The following N4BP2 variants were observed in gnomAD, a reference collection of about 807,000 sequenced individuals.
The protein encoded by N4BP2 is NEDD4 binding protein 2.
N4BP2 carries 91 observed loss-of-function variants against 152.8 expected under a neutral mutation model. That is an observed-to-expected ratio of 0.60 (90% CI 0.50 to 0.71). The LOEUF is 0.71. Ranked by LOEUF, N4BP2 falls within the 30% of genes least tolerant of loss-of-function variation. The pLI is 0.00. For missense variants in N4BP2, 1,923 were observed against 2,059.1 expected, an observed-to-expected ratio of 0.93 and a Z score of 1.28; for synonymous variants, 646 against 705.3, an observed-to-expected ratio of 0.92 and a Z score of 1.33.
intron 14 of N4BP2, among the ~76,000 whole-genome samples, chr4:40,141,383 C>T (rs983592290): frequency 2.0e-5 from 3 of 151,080 alleles, no homozygotes; most frequent in Non-Finnish European, 4.4e-5. Context: ...GGCAGCCGGG[C>T]AGAGACGCTC....
At chr4:40,186,314 G>A in the N4BP2 span, among the ~76,000 whole-genome samples, 1 of 152,066 alleles carries the variant, frequency 6.6e-6, no homozygotes, top group South Asian at 2.1e-4. Context: ...AAAACATTGT[G>A]ACCGAAGCAG....
chr4:40,071,910 A>T (rs1712228762), intron 1 of N4BP2, among the ~76,000 whole-genome samples: 1 of 151,244 alleles, frequency 6.6e-6, no homozygotes, highest in African/African-American at 2.4e-5. Context: ...ATTTTATTTT[A>T]TTTTTTGACT....
chr4:40,148,502 G>A (rs1016276325), intron 16 of N4BP2, among the ~76,000 whole-genome samples: 1 of 151,772 alleles, frequency 6.6e-6, no homozygotes, highest in Admixed American at 6.6e-5. Context: ...GGGAGAGGGA[G>A]TTCGGCTTTT....
At chr4:40,133,943 C>T (rs1462272661) in intron 13 of N4BP2, among the ~76,000 whole-genome samples, 1 of 151,900 alleles carries the variant, frequency 6.6e-6, no homozygotes, top group Non-Finnish European at 1.5e-5. Context: ...GTAGCTGGGA[C>T]TATAGACACG....
At chr4:40,074,662 T>A (rs1459235634) in intron 2 of N4BP2, among the ~76,000 whole-genome samples, 2 of 152,140 alleles carry the variant, frequency 1.3e-5, no homozygotes, top group Admixed American at 6.6e-5. Flanking sequence ...AGAACTGAAT[T>A]GTGGTGTTAG....
intron 2 of N4BP2, among the ~76,000 whole-genome samples, chr4:40,077,575 A>G (rs1400012124): frequency 6.6e-6 from 1 of 151,370 alleles, no homozygotes; most frequent in Non-Finnish European, 1.5e-5. Flanking sequence ...TGCCTCAGCC[A>G]TCTGAGTAGC....
chr4:40,169,931 T>C, the N4BP2 span, among the ~76,000 whole-genome samples: 1 of 137,770 alleles, frequency 7.3e-6, no homozygotes, highest in East Asian at 2.1e-4. Context: ...ACCATTGCAC[T>C]CCAGCCTGGG....
intron 1 of N4BP2, among the ~76,000 whole-genome samples, chr4:40,059,966 T>G (rs1733527164): frequency 1.3e-5 from 2 of 152,160 alleles, no homozygotes; most frequent in African/African-American, 4.8e-5. Context: ...TCAGTCAAAC[T>G]TAGATCTTTG....
At chr4:40,137,126 A>G (rs755221402) in intron 14 of N4BP2, 44 bp downstream of exon 14, 2 of 1,408,418 alleles carry the variant, frequency 1.4e-6, no homozygotes, top group African/African-American at 1.4e-5. Context: ...AGATAATTGC[A>G]TATAAAAATA....
At position 40,142,597 on chromosome 4, in the gene N4BP2, C is replaced by T. The variant is rs73144078; in HGVS notation, c.4786-76C>T. 1,012 of 964,538 alleles carry T rather than the reference C, an allele frequency of 1.0e-3. 10 individuals are homozygous for T. In the African/African-American group the frequency reaches 0.014, roughly 14 times the overall value. The allele number at this position is 964,538 out of a possible 1,614,324, so 59.7% of individuals were successfully genotyped here. A position where few individuals can be genotyped will look rare whatever the true frequency, so the allele number is the denominator to read the frequency against. On this transcript the variant is annotated intron_variant, in intron 14 of 17. Transcript: ENST00000261435. ...TATACGACAGCCCAGTTTTCATGTG[C>T]GTTTTGTGAAGGTGTAAGGCATGAG... is the stretch of plus-strand genomic sequence containing the variant.
chr4:40,090,516 C>T (rs1010711883), intron 2 of N4BP2, among the ~76,000 whole-genome samples: 5 of 152,120 alleles, frequency 3.3e-5, no homozygotes, highest in East Asian at 1.9e-4. Context: ...AATAGGTTCT[C>T]GGAAACTGTG....
In N4BP2 at chr4:40,121,503, A is replaced by G; in HGVS notation, c.3392A>G (p.Lys1131Arg). ...ATSLLLDSET[K>R]LCEDTEFENF... Reference sequence around the variant, plus strand: ...AGCCTTTTGTTGGATTCTGAAACTAAGTTATGTGAGGATACAGAGTTTGAG... The same window carrying G: ...AGCCTTTTGTTGGATTCTGAAACTAGGTTATGTGAGGATACAGAGTTTGAG... The change falls in exon 9 of 18, where the codon AAG becomes AGG. Residue 1131 changes from lysine to arginine, a missense_variant. Lys to Arg is a conservative substitution (Grantham distance 26, BLOSUM62 2). Transcript: ENST00000261435. 1 of 1,614,188 alleles carries G rather than the reference A, an allele frequency of 6.2e-7. No homozygotes were observed. The highest frequency in any genetic ancestry group is 8.5e-7 in the Non-Finnish European group (1 of 1,180,030).
In N4BP2 at chr4:40,092,243, T is replaced by A. The variant is rs116074479; in HGVS notation, c.-114-4984T>A. On this transcript the variant is annotated intron_variant, in intron 2 of 17. Coordinates refer to ENST00000261435, the MANE Select transcript of N4BP2 (RefSeq NM_018177.6). ...GATTAGTATTATTTTTTCCTAAAAATGTTTGTTAGAATTTTCCATTGAAGC... is the reference window on the plus strand; with the variant it reads ...GATTAGTATTATTTTTTCCTAAAAAAGTTTGTTAGAATTTTCCATTGAAGC... 3.0e-3 allele frequency among the ~76,000 whole-genome samples: 448 copies of A among 151,038 alleles called. 1 individual carries two copies. Among genetic ancestry groups the A allele is most frequent in the African/African-American group, 9.9e-3 (410 of 41,346 alleles).
intron 11 of N4BP2, among the ~76,000 whole-genome samples, chr4:40,125,886 CAA>C (rs34106957): frequency 0.23 from 24,106 of 103,028 alleles, 1,890 homozygotes; most frequent in African/African-American, 0.26. Context: ...GACTCCGTCT[CAA>C]AAAAAAAAAA....
At chr4:40,084,420 A>G (rs1560579279) in intron 2 of N4BP2, among the ~76,000 whole-genome samples, 2 of 148,866 alleles carry the variant, frequency 1.3e-5, no homozygotes, top group African/African-American at 4.9e-5. Context: ...ACTTTTAGAT[A>G]TGCCTGGTTT....
intron 7 of N4BP2, among the ~76,000 whole-genome samples, chr4:40,117,393 C>A (rs956770233): frequency 1.3e-5 from 2 of 152,132 alleles, no homozygotes; most frequent in African/African-American, 2.4e-5. Context: ...TTGAATTCAA[C>A]CCAAGACAGG....
the N4BP2 span, among the ~76,000 whole-genome samples, chr4:40,172,327 G>C: frequency 1.3e-5 from 2 of 152,082 alleles, no homozygotes; most frequent in African/African-American, 4.8e-5. Flanking sequence ...GCCTTTCCCA[G>C]TGCACTGACT....
intron 2 of N4BP2, among the ~76,000 whole-genome samples, chr4:40,085,475 G>C (rs1713849544): frequency 6.6e-6 from 1 of 152,148 alleles, no homozygotes; most frequent in African/African-American, 2.4e-5. Flanking sequence ...TTTTTCTTAA[G>C]AGATGGGGTC....
At chr4:40,164,501 G>T in the N4BP2 span, among the ~76,000 whole-genome samples, 3 of 152,152 alleles carry the variant, frequency 2.0e-5, no homozygotes, top group Non-Finnish European at 4.4e-5. Context: ...CCAGTCTGCT[G>T]GAAGTCTGGG....
Sources: allele counts gnomAD v4.1 joint callset (sites outside exome capture counted in the v4.1 genomes callset), GRCh38; gene constraint gnomAD v4.1.1; transcripts MANE v1.5; gene names NCBI Gene and HGNC (gene_info 2026-07-23, HGNC 2026-07-21).